The following CNTN5 variants were observed in gnomAD, a reference collection of about 807,000 sequenced individuals.
CNTN5 encodes contactin 5.
In CNTN5, 77 loss-of-function variants were observed where a neutral mutation model predicts 129.1. That is an observed-to-expected ratio of 0.60 (90% CI 0.50 to 0.72). The LOEUF is 0.72. Ranked by LOEUF, CNTN5 falls within the 30% of genes least tolerant of loss-of-function variation. The pLI, the probability that CNTN5 is intolerant of heterozygous loss-of-function variation, is 0.00. For synonymous variants in CNTN5, 509 were observed against 465.6 expected (o/e 1.09, Z -1.20); for missense variants, 1,478 against 1,328.8 (o/e 1.11, Z -1.75).
intron 3 of CNTN5, among the ~76,000 whole-genome samples, chr11:99,736,086 C>CT (rs1943700071): frequency 1.3e-5 from 2 of 151,284 alleles, no homozygotes; most frequent in South Asian, 4.2e-4. Context: ...TATTTAAGTG[C>CT]TGAAATTACG....
intron 4 of CNTN5, among the ~76,000 whole-genome samples, chr11:99,833,688 C>T (rs12419366): frequency 0.062 from 9,462 of 152,252 alleles, 365 homozygotes; most frequent in South Asian, 0.086. Context: ...TGTACTACTG[C>T]TCCTAGAAAC....
In CNTN5 at chr11:99,049,007, C is replaced by T. The variant is rs559130787; in HGVS notation, c.-210+27737C>T. On this transcript the variant is annotated intron_variant, in intron 1 of 24. Coordinates refer to ENST00000524871, the MANE Select transcript of CNTN5 (RefSeq NM_014361.4). Reference sequence around the variant, plus strand: ...TTGGTTGCTGCTTCTGCTGCTGTGTCGTTCAATCCCTCTACCCTTCCTGGG... The same window carrying T: ...TTGGTTGCTGCTTCTGCTGCTGTGTTGTTCAATCCCTCTACCCTTCCTGGG... Among the ~76,000 whole-genome samples, 13 of 152,188 alleles carry T rather than the reference C, an allele frequency of 8.5e-5. No individual in the cohort carries two copies. The South Asian group carries it at 2.3e-3, about 27-fold the overall frequency.
At chr11:99,767,541 A>C (rs960507803) in intron 3 of CNTN5, among the ~76,000 whole-genome samples, 3 of 151,952 alleles carry the variant, frequency 2.0e-5, no homozygotes, top group Non-Finnish European at 4.4e-5. Context: ...AAAATAGTAC[A>C]TGCCCACATT....
intron 18 of CNTN5, among the ~76,000 whole-genome samples, chr11:100,286,678 A>G (rs1950802377): frequency 6.7e-6 from 1 of 150,164 alleles, no homozygotes; most frequent in South Asian, 2.1e-4. Flanking sequence ...GAAAAACTGG[A>G]AACTCTAAAA....
chr11:99,928,983 T>C (rs776063196), intron 7 of CNTN5, among the ~76,000 whole-genome samples: 1 of 152,334 alleles, frequency 6.6e-6, no homozygotes, highest in South Asian at 2.1e-4. Context: ...AGTCATATCT[T>C]GAATGCTTTG....
intron 21 of CNTN5, among the ~76,000 whole-genome samples, chr11:100,316,711 C>T (rs1346907423): frequency 1.3e-5 from 2 of 152,140 alleles, no homozygotes; most frequent in African/African-American, 4.8e-5. Context: ...GCCTGTGGAA[C>T]AAAGTCTTCC....
intron 2 of CNTN5, among the ~76,000 whole-genome samples, chr11:99,425,562 G>A (rs893642379): frequency 2.0e-5 from 3 of 152,232 alleles, no homozygotes; most frequent in African/African-American, 7.2e-5. Context: ...CCAAATGTGT[G>A]CACACTCCCT....
chr11:99,636,054 G>A (rs941628242), intron 3 of CNTN5, among the ~76,000 whole-genome samples: 2 of 151,590 alleles, frequency 1.3e-5, no homozygotes, highest in Non-Finnish European at 2.9e-5. Flanking sequence ...CTTAAAAAAG[G>A]ACTGAAGTAG....
At chr11:100,132,098 A>G (rs1699577317) in intron 13 of CNTN5, among the ~76,000 whole-genome samples, 1 of 152,100 alleles carries the variant, frequency 6.6e-6, no homozygotes, top group Non-Finnish European at 1.5e-5. Flanking sequence ...AAGCCAAATC[A>G]TATATAGCCA....
intron 15 of CNTN5, among the ~76,000 whole-genome samples, chr11:100,212,574 G>A (rs1219065878): frequency 6.6e-6 from 1 of 152,100 alleles, no homozygotes; most frequent in Non-Finnish European, 1.5e-5. Context: ...TACTAGACAG[G>A]GGGCAAGAGT....
At chr11:100,146,662 T>C (rs1946860730) in intron 13 of CNTN5, among the ~76,000 whole-genome samples, 1 of 152,138 alleles carries the variant, frequency 6.6e-6, no homozygotes, top group Admixed American at 6.6e-5. Context: ...AGCGAGTAGA[T>C]CATATTCACT....
intron 9 of CNTN5, among the ~76,000 whole-genome samples, chr11:100,015,269 A>G (rs1940762622): frequency 6.6e-6 from 1 of 152,194 alleles, no homozygotes; most frequent in Admixed American, 6.6e-5. Context: ...TTATGGCATC[A>G]TCCTAGTAGG....
At chr11:99,759,694 A>G (rs531511426) in intron 3 of CNTN5, among the ~76,000 whole-genome samples, 76 of 140,218 alleles carry the variant, frequency 5.4e-4, no homozygotes, top group Middle Eastern at 3.5e-3. Flanking sequence ...CATAAGAAAA[A>G]GGGAGGGAGG....
chr11:99,647,868 G>C (rs1183870421), intron 3 of CNTN5, among the ~76,000 whole-genome samples: 1 of 151,608 alleles, frequency 6.6e-6, no homozygotes, highest in Non-Finnish European at 1.5e-5. Flanking sequence ...GTTGATTCTT[G>C]TATGTTGATT....
At chr11:99,193,864 A>C (rs767235663) in intron 1 of CNTN5, among the ~76,000 whole-genome samples, 3 of 152,194 alleles carry the variant, frequency 2.0e-5, no homozygotes, top group Non-Finnish European at 4.4e-5. Context: ...TTGTAATCAG[A>C]CACCTTGAGG....
chr11:100,003,414 C>G (rs1254552011), intron 9 of CNTN5, among the ~76,000 whole-genome samples: 5 of 152,066 alleles, frequency 3.3e-5, no homozygotes, highest in Non-Finnish European at 7.4e-5. Context: ...CTGAAAATGT[C>G]CCAAGTAAGA....
In CNTN5 at chr11:100,297,705, A is replaced by T; in HGVS notation, c.2385+10A>T. The T allele has an allele frequency of 6.3e-7, 1 of 1,581,492 alleles. No individual in the cohort carries two copies. Among genetic ancestry groups the T allele is most frequent in the Non-Finnish European group, 8.6e-7 (1 of 1,158,262 alleles). ...AGTCATTGCCTGGGAGGTAAGAAAA[A>T]CACATCCTCTCACAAATTACTCCAC... On this transcript the variant is annotated intron_variant, in intron 19 of 24. Coordinates refer to ENST00000524871, the MANE Select transcript of CNTN5 (RefSeq NM_014361.4).
rs576190464 is a variant in CNTN5 at position 99,594,029 on chromosome 11, G to A, written c.55+37760G>A. Among the ~76,000 whole-genome samples the A allele has an allele frequency of 4.6e-5, 7 of 152,284 alleles. No homozygotes were observed. In the East Asian group the frequency reaches 1.3e-3, roughly 29 times the overall value. ...TCTTTAGAATTGGTGCATTTTAACTGGGATGTTCTATGGACATATCTGATG... is the reference window on the plus strand; with the variant it reads ...TCTTTAGAATTGGTGCATTTTAACTAGGATGTTCTATGGACATATCTGATG... On this transcript the variant is annotated intron_variant, in intron 3 of 24. Transcript: ENST00000524871.
chr11:99,497,774 A>G (rs1250187130), intron 2 of CNTN5, among the ~76,000 whole-genome samples: 20 of 152,294 alleles, frequency 1.3e-4, no homozygotes, highest in Non-Finnish European at 7.4e-5. Context: ...GAAAATGTGA[A>G]GAGAATATAT....
Sources: gnomAD v4.1 joint callset for allele counts (sites outside exome capture counted in the v4.1 genomes callset) on GRCh38, gnomAD v4.1.1 for gene constraint, MANE v1.5 for transcripts, NCBI Gene and HGNC (gene_info 2026-07-23, HGNC 2026-07-21) for gene names.